Variants in PREX2 observed in about 807,000 individuals in gnomAD.
PREX2 encodes the protein phosphatidylinositol-3,4,5-trisphosphate dependent Rac exchange factor 2.
In PREX2, 107 loss-of-function variants were observed where a neutral mutation model predicts 203.2. The ratio of observed to expected loss-of-function variants is 0.53; its 90% CI spans 0.45 to 0.62. PREX2 has a LOEUF of 0.62. Among genes scored for constraint, PREX2 ranks in the 20% least tolerant of loss-of-function variants. PREX2 has a pLI of 0.00. For missense variants in PREX2, 1,777 were observed against 1,955.9 expected (o/e 0.91, Z 1.72); for synonymous variants, 672 against 663.6 (o/e 1.01, Z -0.19).
At chr8:68,126,242 A>C (rs924656122) in intron 30 of PREX2, among the ~76,000 whole-genome samples, 1 of 152,140 alleles carries the variant, frequency 6.6e-6, no homozygotes, top group Non-Finnish European at 1.5e-5. Flanking sequence ...AGTCTCATTT[A>C]GAATTCTATA....
At position 67,952,171 on chromosome 8, in the gene PREX2, G is replaced by A. The variant is rs1002743601; in HGVS notation, c.-224G>A. 5.4e-6 allele frequency: 2 copies of A among 368,518 alleles called. No individual in the cohort carries two copies. The highest frequency in any genetic ancestry group is 2.3e-4 in the South Asian group (2 of 8,832). The allele number at this position is 368,518 out of a possible 1,614,324, so 22.8% of individuals were successfully genotyped here. ...GCCTGGCCGGAGCCCCCACTCCCAG[G>A]AGTTTCCTCTGCAGAGCCCCGCGCC... On this transcript the variant is annotated 5_prime_UTR_variant, in exon 1 of 40. Transcript: ENST00000288368.
intron 10 of PREX2, 37 bp downstream of exon 10, chr8:68,056,011 C>A: frequency 1.3e-6 from 2 of 1,569,562 alleles, no homozygotes; most frequent in Admixed American, 1.9e-5. Flanking sequence ...CTTTCTTTTA[C>A]ATTCTCATTG....
chr8:68,165,896 A>G (rs987372540), intron 35 of PREX2, among the ~76,000 whole-genome samples: 2 of 152,182 alleles, frequency 1.3e-5, no homozygotes, highest in Non-Finnish European at 2.9e-5. Flanking sequence ...CTGATGTTTA[A>G]TAGGAGTTGG....
intron 14 of PREX2, among the ~76,000 whole-genome samples, chr8:68,073,427 AT>A (rs1331530032): frequency 6.6e-6 from 1 of 151,990 alleles, no homozygotes; most frequent in East Asian, 1.9e-4. Flanking sequence ...CAAGTAGATA[AT>A]AGTTGATAGT....
chr8:68,200,343 C>T (rs183686601), intron 37 of PREX2, among the ~76,000 whole-genome samples: 1 of 152,116 alleles, frequency 6.6e-6, no homozygotes, highest in East Asian at 1.9e-4. Context: ...AAAGATAAAT[C>T]TTAATTACTC....
At chr8:68,208,655 C>T (rs540547031) in intron 37 of PREX2, among the ~76,000 whole-genome samples, 483 of 152,232 alleles carry the variant, frequency 3.2e-3, no homozygotes, top group African/African-American at 0.011. Flanking sequence ...GAATCATTTA[C>T]ATTCTTCCGA....
chr8:68,215,257 C>G (rs1159551624), intron 37 of PREX2, among the ~76,000 whole-genome samples: 1 of 152,048 alleles, frequency 6.6e-6, no homozygotes, highest in East Asian at 1.9e-4. Flanking sequence ...TGTTAAAAAC[C>G]CTTCACAGTG....
chr8:68,176,953 T>C (rs1489964093), intron 35 of PREX2: 2 of 151,466 alleles, frequency 1.3e-5, no homozygotes, highest in Non-Finnish European at 2.9e-5. Context: ...ATTATAAAGA[T>C]AGAGACAATT....
At chr8:67,987,593 A>G (rs1057168603) in intron 1 of PREX2, among the ~76,000 whole-genome samples, 1 of 152,094 alleles carries the variant, frequency 6.6e-6, no homozygotes, top group Non-Finnish European at 1.5e-5. Flanking sequence ...CCATGTCCCC[A>G]TCACGTGCGC....
Position 68,135,522 on chromosome 8 carries a change from G to A in PREX2, c.3984+1246G>A, listed in dbSNP as rs74431687. 9.1e-3 allele frequency among the ~76,000 whole-genome samples: 1,385 copies of A among 152,254 alleles called. 7 individuals are homozygous for A. Among genetic ancestry groups the A allele is most frequent in the African/African-American group, 0.016 (646 of 41,556 alleles). ...TAGAGAAATGCAACTCAAAACCACA[G>A]TGAAATACCACAATGCATGTGATAT... On this transcript the variant is annotated intron_variant, in intron 32 of 39. Transcript: ENST00000288368.
At chr8:68,044,857 G>A (rs1808304670) in intron 8 of PREX2, among the ~76,000 whole-genome samples, 1 of 152,060 alleles carries the variant, frequency 6.6e-6, no homozygotes, top group African/African-American at 2.4e-5. Context: ...TGGCATTCAC[G>A]GGACTGAAAC....
intron 35 of PREX2, among the ~76,000 whole-genome samples, chr8:68,180,635 G>C (rs189591964): frequency 5.9e-4 from 90 of 152,222 alleles, no homozygotes; most frequent in African/African-American, 2.1e-3. Context: ...GAAAGTAGGT[G>C]AGCACCAACA....
intron 35 of PREX2, among the ~76,000 whole-genome samples, chr8:68,174,794 C>G (rs16934276): frequency 0.089 from 13,608 of 152,186 alleles, 787 homozygotes; most frequent in East Asian, 0.16. Context: ...CGTGAATGCT[C>G]AAAAGCCAGA....
chr8:68,213,309 CT>C (rs899843643), intron 37 of PREX2, among the ~76,000 whole-genome samples: 1 of 152,162 alleles, frequency 6.6e-6, no homozygotes, highest in African/African-American at 2.4e-5. Context: ...AAACACTTTG[CT>C]TTTGCACATT....
At chr8:68,012,223 T>C (rs574016168) in intron 1 of PREX2, among the ~76,000 whole-genome samples, 1 of 152,304 alleles carries the variant, frequency 6.6e-6, no homozygotes, top group South Asian at 2.1e-4. Flanking sequence ...GAATACACTA[T>C]AACAATGTGG....
intron 3 of PREX2, 110 bp downstream of exon 3, chr8:68,019,781 C>G: frequency 9.0e-7 from 1 of 1,114,970 alleles, no homozygotes; most frequent in South Asian, 1.6e-5. Context: ...AATCTGACAC[C>G]AAAAGTTTAA....
At chr8:68,114,736 A>G (rs1185107797) in intron 25 of PREX2, among the ~76,000 whole-genome samples, 2 of 152,184 alleles carry the variant, frequency 1.3e-5, no homozygotes, top group East Asian at 3.9e-4. Flanking sequence ...GATTTACCCC[A>G]TCCTCACATT....
intron 7 of PREX2, among the ~76,000 whole-genome samples, chr8:68,042,856 A>G (rs922257538): frequency 6.6e-6 from 1 of 152,070 alleles, no homozygotes; most frequent in Non-Finnish European, 1.5e-5. Flanking sequence ...CCTAAGAGAA[A>G]TATACAAAAC....
At chr8:68,018,234 G>A (rs529332270) in intron 2 of PREX2, among the ~76,000 whole-genome samples, 35 of 152,034 alleles carry the variant, frequency 2.3e-4, no homozygotes, top group African/African-American at 7.5e-4. Context: ...TTGGGAGGCC[G>A]AGGTGGGAGG....
Sources: gnomAD v4.1 joint callset for allele counts (sites outside exome capture counted in the v4.1 genomes callset) on GRCh38, gnomAD v4.1.1 for gene constraint, MANE v1.5 for transcripts, NCBI Gene and HGNC (gene_info 2026-07-23, HGNC 2026-07-21) for gene names.